SLC35F1: variants seen among roughly 807,000 people sequenced by gnomAD.
SLC35F1 encodes chromosome 6 open reading frame 169.
In SLC35F1, 14 loss-of-function variants were observed where a neutral mutation model predicts 48.7. That is an observed-to-expected ratio of 0.29 (90% CI 0.19 to 0.45). The LOEUF (loss-of-function observed/expected upper bound fraction) is 0.45. Ranked by LOEUF, SLC35F1 falls within the 20% of genes least tolerant of loss-of-function variation. The pLI, the probability that SLC35F1 is intolerant of heterozygous loss-of-function variation, is 1.00. For synonymous variants in SLC35F1, 190 were observed against 202.2 expected, an observed-to-expected ratio of 0.94 and a Z score of 0.51; for missense variants, 404 against 500.0, an observed-to-expected ratio of 0.81 and a Z score of 1.83.
At chr6:118,050,642 A>C (rs927389466) in intron 1 of SLC35F1, among the ~76,000 whole-genome samples, 2 of 152,090 alleles carry the variant, frequency 1.3e-5, no homozygotes, top group Admixed American at 6.6e-5. Context: ...AGTGAGCACA[A>C]GGTCTGAGGA....
intron 1 of SLC35F1, among the ~76,000 whole-genome samples, chr6:118,032,004 C>T (rs1437498771): frequency 1.3e-5 from 2 of 152,146 alleles, no homozygotes; most frequent in Non-Finnish European, 2.9e-5. Context: ...GTCCTGCCTC[C>T]TCCCTCACTA....
intron 2 of SLC35F1, among the ~76,000 whole-genome samples, chr6:118,222,678 T>TA (rs1409309262): frequency 6.6e-6 from 1 of 152,234 alleles, no homozygotes. Flanking sequence ...TTTGGATTTT[T>TA]AAAAAATATT....
At chr6:118,184,188 G>A (rs934116092) in intron 2 of SLC35F1, among the ~76,000 whole-genome samples, 2 of 152,134 alleles carry the variant, frequency 1.3e-5, no homozygotes, top group Admixed American at 1.3e-4. Flanking sequence ...TCCCCACGGT[G>A]GGGACAAGAT....
chr6:118,196,779 A>G (rs1309862614), intron 2 of SLC35F1, among the ~76,000 whole-genome samples: 1 of 152,076 alleles, frequency 6.6e-6, no homozygotes, highest in Non-Finnish European at 1.5e-5. Flanking sequence ...CAATGTCAGG[A>G]GCTTTTCCCA....
intron 1 of SLC35F1, among the ~76,000 whole-genome samples, chr6:118,016,549 G>A (rs1396774715): frequency 6.6e-6 from 1 of 152,134 alleles, no homozygotes. Flanking sequence ...CTTTTAAAAG[G>A]CATAGAATTC....
intron 7 of SLC35F1, among the ~76,000 whole-genome samples, chr6:118,297,175 T>A (rs1776196800): frequency 6.6e-6 from 1 of 152,234 alleles, no homozygotes. Flanking sequence ...TTTACTGTAC[T>A]GTTTTTATAT....
At chr6:118,060,108 C>T (rs894255362) in intron 1 of SLC35F1, among the ~76,000 whole-genome samples, 17 of 152,144 alleles carry the variant, frequency 1.1e-4, no homozygotes, top group Non-Finnish European at 2.1e-4. Context: ...GACTTTAGCA[C>T]CAGACTTGAG....
chr6:118,307,288 G>A (rs540652025), intron 7 of SLC35F1, among the ~76,000 whole-genome samples: 1 of 152,096 alleles, frequency 6.6e-6, no homozygotes, highest in Non-Finnish European at 1.5e-5. Context: ...GGAGAGGCAG[G>A]GGTTTGTGGG....
Position 118,118,290 on chromosome 6 carries a change from A to G in SLC35F1, c.174-36155A>G, listed in dbSNP as rs193068062. On this transcript the variant is annotated intron_variant, in intron 1 of 7. Coordinates refer to ENST00000360388, the MANE Select transcript of SLC35F1 (RefSeq NM_001029858.4). ...GTGGGGATACACTTAACACTGATAA[A>G]TTTATTGTGTTTGAATAATACTTTA... Among the ~76,000 whole-genome samples, 645 of 152,290 alleles carry G rather than the reference A, an allele frequency of 4.2e-3. 7 individuals carry two copies. Among genetic ancestry groups the G allele is most frequent in the African/African-American group, 0.015 (608 of 41,560 alleles).
intron 2 of SLC35F1, among the ~76,000 whole-genome samples, chr6:118,195,315 A>G (rs374925677): frequency 4.6e-5 from 7 of 152,260 alleles, no homozygotes; most frequent in South Asian, 2.1e-4. Flanking sequence ...ATACACTTCA[A>G]TGTGTTGTTT....
rs956170778 is a variant in SLC35F1 at position 118,315,325 on chromosome 6, T to A, written c.*1073T>A. On this transcript the variant is annotated 3_prime_UTR_variant, in exon 8 of 8. Transcript: ENST00000360388. Reference sequence around the variant, plus strand: ...ATGTGGAGCAGTCTTTGAAAATGGCTTAATTGATTTGGCCACTTTGCAGTG... The same window carrying A: ...ATGTGGAGCAGTCTTTGAAAATGGCATAATTGATTTGGCCACTTTGCAGTG... 6.6e-6 allele frequency: 1 copy of A among 152,640 alleles called. No individual in the cohort carries two copies. Among genetic ancestry groups the A allele is most frequent in the Non-Finnish European group, 1.5e-5 (1 of 68,040 alleles). 9.5% of individuals were successfully genotyped at this position (152,640 alleles called of 1,614,324 possible). A position where few individuals can be genotyped will look rare whatever the true frequency, so the allele number is the denominator to read the frequency against.
intron 5 of SLC35F1, among the ~76,000 whole-genome samples, chr6:118,276,175 G>A (rs899224436): frequency 6.6e-6 from 1 of 152,182 alleles, no homozygotes; most frequent in African/African-American, 2.4e-5. Context: ...AAAAGCACCA[G>A]TTTTGCAATA....
At chr6:118,067,061 C>A (rs1323495249) in intron 1 of SLC35F1, among the ~76,000 whole-genome samples, 1 of 152,042 alleles carries the variant, frequency 6.6e-6, no homozygotes, top group African/African-American at 2.4e-5. Flanking sequence ...AGAGGAGAAG[C>A]TCTAAAGCAG....
chr6:117,949,173 T>C (rs1776330741), intron 1 of SLC35F1, among the ~76,000 whole-genome samples: 1 of 152,222 alleles, frequency 6.6e-6, no homozygotes, highest in South Asian at 2.1e-4. Flanking sequence ...CAAAGTCTTA[T>C]ACTCTGGGAT....
At chr6:117,911,640 C>G (rs1775765162) in intron 1 of SLC35F1, among the ~76,000 whole-genome samples, 1 of 151,946 alleles carries the variant, frequency 6.6e-6, no homozygotes, top group African/African-American at 2.4e-5. Context: ...GAATCGAGGT[C>G]TCGTTCTGTT....
In SLC35F1 at chr6:118,225,875, C is replaced by CA. The variant is rs376054711; in HGVS notation, c.350-9618dup. 5.8e-3 allele frequency among the ~76,000 whole-genome samples: 756 copies of CA among 131,174 alleles called. 39 individuals are homozygous for CA. Among genetic ancestry groups the CA allele is most frequent in the Middle Eastern group, 0.015 (4 of 262 alleles). The allele number at this position is 131,174 out of a possible 152,430, so 86.1% of individuals were successfully genotyped here. ...TGGCTGACAGAGCGAGACTTTGTCT[C>CA]AAAAAAAAAAAAAAAATCTTCACAG... On this transcript the variant is annotated intron_variant, in intron 2 of 7. Transcript: ENST00000360388.
At chr6:118,030,912 A>G (rs1032334911) in intron 1 of SLC35F1, among the ~76,000 whole-genome samples, 3 of 152,106 alleles carry the variant, frequency 2.0e-5, no homozygotes, top group Non-Finnish European at 4.4e-5. Flanking sequence ...AATTTTTTTC[A>G]TAATAATATG....
intron 3 of SLC35F1, among the ~76,000 whole-genome samples, chr6:118,250,962 C>T (rs1186705405): frequency 1.1e-4 from 16 of 151,566 alleles, no homozygotes; most frequent in African/African-American, 3.9e-4. Flanking sequence ...CAGACTCCAT[C>T]TCAAACAAAA....
At chr6:117,993,612 G>A (rs921077942) in intron 1 of SLC35F1, among the ~76,000 whole-genome samples, 3 of 151,856 alleles carry the variant, frequency 2.0e-5, no homozygotes, top group African/African-American at 4.8e-5. Context: ...TGTATTCCCC[G>A]AGAACAACTC....
Sources: gnomAD v4.1 joint callset for allele counts (sites outside exome capture counted in the v4.1 genomes callset) on GRCh38, gnomAD v4.1.1 for gene constraint, MANE v1.5 for transcripts, NCBI Gene and HGNC (gene_info 2026-07-23, HGNC 2026-07-21) for gene names.